The following DSCAM variants were observed in gnomAD, a reference collection of about 807,000 sequenced individuals.
DSCAM encodes the protein cell adhesion molecule DSCAM.
A neutral mutation model predicts 217.7 loss-of-function variants in DSCAM; 47 were observed. That is an observed-to-expected ratio of 0.22 (90% CI 0.17 to 0.28). DSCAM has a LOEUF of 0.28. Ranked by LOEUF, DSCAM falls within the 10% of genes least tolerant of loss-of-function variation. DSCAM has a pLI of 1.00. For synonymous variants in DSCAM, 1,056 were observed against 1,015.3 expected (o/e 1.04, Z -0.76); for missense variants, 2,080 against 2,618.3 (o/e 0.79, Z 4.49).
chr21:40,332,291 T>C (rs1308562284), intron 8 of DSCAM, among the ~76,000 whole-genome samples: 8 of 152,196 alleles, frequency 5.3e-5, no homozygotes, highest in Non-Finnish European at 1.0e-4. Context: ...CGAATTATTC[T>C]TCTGAGAGTC....
At chr21:40,276,981 A>AT (rs1318408689) in intron 10 of DSCAM, among the ~76,000 whole-genome samples, 1 of 152,152 alleles carries the variant, frequency 6.6e-6, no homozygotes, top group African/African-American at 2.4e-5. Flanking sequence ...GTAAAAAAAA[A>AT]AAGGATTTTA....
At chr21:40,775,730 G>A (rs145534300) in intron 1 of DSCAM, among the ~76,000 whole-genome samples, 24 of 152,200 alleles carry the variant, frequency 1.6e-4, no homozygotes, top group Admixed American at 1.4e-3. Context: ...ACACATCGTC[G>A]GCATCCCTGG....
Position 40,189,121 on chromosome 21 carries a change from T to C in DSCAM, c.2474A>G (p.Asp825Gly). ...KPIIVRWEKE[D>G]RIINPEMARY... is the part of the protein sequence containing the mutation. ...GGCCATCTCAGGGTTAATGATTCGGTCCTCCTTCTCCCAGCGGACTATAAT... is the reference window on the plus strand; with the variant it reads ...GGCCATCTCAGGGTTAATGATTCGGCCCTCCTTCTCCCAGCGGACTATAAT... Residue 825 changes from aspartate (D) to glycine (G), a missense_variant, in exon 12 of 33, where the codon GAC (aspartate) becomes GGC (glycine). By Grantham distance (94) the Asp-to-Gly change is moderately conservative. Around this residue, in one of 5 missense-constraint regions of DSCAM, gnomAD observed 1,144 missense variants for 1,421.1 expected, o/e 0.81. Coordinates refer to ENST00000400454, the MANE Select transcript of DSCAM (RefSeq NM_001389.5). The C allele has an allele frequency of 6.2e-7, 1 of 1,614,138 alleles. No homozygotes were observed. Among genetic ancestry groups the C allele is most frequent in the South Asian group, 1.1e-5 (1 of 91,082 alleles).
intron 11 of DSCAM, among the ~76,000 whole-genome samples, chr21:40,258,742 C>T (rs900260384): frequency 6.6e-6 from 1 of 152,226 alleles, no homozygotes; most frequent in Non-Finnish European, 1.5e-5. Context: ...GTGTTTCTAC[C>T]TTTCTCAGCA....
intron 1 of DSCAM, among the ~76,000 whole-genome samples, chr21:40,782,964 C>T (rs2091562148): frequency 6.6e-6 from 1 of 152,236 alleles, no homozygotes; most frequent in Non-Finnish European, 1.5e-5. Context: ...CATCTACCTT[C>T]ATGAAACATA....
chr21:40,175,172 C>T (rs1460603569), intron 15 of DSCAM, among the ~76,000 whole-genome samples: 9 of 152,290 alleles, frequency 5.9e-5, no homozygotes, highest in Middle Eastern at 3.4e-3. Context: ...TGCAGTGGCA[C>T]GACCTTGGCT....
At chr21:40,398,621 CCTTTCTTTTTT>C (rs1443860076) in intron 3 of DSCAM, among the ~76,000 whole-genome samples, 1 of 149,932 alleles carries the variant, frequency 6.7e-6, no homozygotes, top group Non-Finnish European at 1.5e-5. Context: ...AAGTTTCTTT[CCTTTCTTTTTT>C]CTTTCTTTTT....
intron 3 of DSCAM, among the ~76,000 whole-genome samples, chr21:40,566,637 T>G (rs555621783): frequency 2.0e-5 from 3 of 152,326 alleles, no homozygotes; most frequent in African/African-American, 7.2e-5. Context: ...ATATGGGCTT[T>G]GTGACACAGA....
intron 11 of DSCAM, among the ~76,000 whole-genome samples, chr21:40,229,341 CT>C (rs1208289706): frequency 6.6e-6 from 1 of 152,146 alleles, no homozygotes; most frequent in African/African-American, 2.4e-5. Context: ...CTCTTAAATG[CT>C]TTTTTTGAAA....
At chr21:40,170,283 G>A (rs1380015982) in intron 15 of DSCAM, among the ~76,000 whole-genome samples, 5 of 152,162 alleles carry the variant, frequency 3.3e-5, no homozygotes, top group African/African-American at 1.2e-4. Flanking sequence ...ATATATGTTT[G>A]CGTGTCTGTC....
Position 40,055,858 on chromosome 21 carries a change from T to C in DSCAM, c.4920-18A>G, listed in dbSNP as rs1432263439. 1 of 1,583,060 alleles carries C rather than the reference T, an allele frequency of 6.3e-7. No individual in the cohort carries two copies. The highest frequency in any genetic ancestry group is 8.7e-7 in the Non-Finnish European group (1 of 1,151,880). ...TATTCTTACTGGGAATAAAATGGGGTAATGCATTAACAAATCCAGTTCAGT... is the reference window on the plus strand; with the variant it reads ...TATTCTTACTGGGAATAAAATGGGGCAATGCATTAACAAATCCAGTTCAGT... On this transcript the variant is annotated intron_variant, in intron 28 of 32. Transcript: ENST00000400454.
intron 3 of DSCAM, among the ~76,000 whole-genome samples, chr21:40,682,967 T>C (rs1175682805): frequency 2.0e-5 from 3 of 151,924 alleles, no homozygotes; most frequent in African/African-American, 4.8e-5. Flanking sequence ...GGGTGGCCCC[T>C]AATCGGATAG....
At chr21:40,466,665 A>G (rs1320809791) in intron 3 of DSCAM, among the ~76,000 whole-genome samples, 2 of 152,168 alleles carry the variant, frequency 1.3e-5, no homozygotes, top group Non-Finnish European at 2.9e-5. Context: ...TATGACAAAG[A>G]ATCCCTTCTG....
intron 3 of DSCAM, among the ~76,000 whole-genome samples, chr21:40,476,917 C>T (rs550369792): frequency 4.6e-5 from 7 of 152,090 alleles, no homozygotes; most frequent in Non-Finnish European, 8.8e-5. Flanking sequence ...TCACCTTAGT[C>T]CTGTGACCAT....
At position 40,339,434 on chromosome 21, in the gene DSCAM, T is replaced by G; in HGVS notation, c.1211-19A>C. 1.3e-6 allele frequency: 2 copies of G among 1,573,144 alleles called. No individual in the cohort carries two copies. Among genetic ancestry groups the G allele is most frequent in the Non-Finnish European group, 1.7e-6 (2 of 1,160,266 alleles). ...GTTCCATCTGCAGGAAAACAAATTA[T>G]GGAAGAAAGTGGCACATACAAATAA... On this transcript the variant is annotated intron_variant, in intron 6 of 32. Coordinates refer to ENST00000400454, the MANE Select transcript of DSCAM (RefSeq NM_001389.5).
intron 3 of DSCAM, among the ~76,000 whole-genome samples, chr21:40,526,944 C>T (rs1204136802): frequency 6.6e-6 from 1 of 152,068 alleles, no homozygotes; most frequent in Non-Finnish European, 1.5e-5. Context: ...AAGGTGCTTC[C>T]CTGGCCTGTG....
At position 40,399,313 on chromosome 21, in the gene DSCAM, T is replaced by A. The variant is rs151304005; in HGVS notation, c.509-30068A>T. On this transcript the variant is annotated intron_variant, in intron 3 of 32. Coordinates refer to ENST00000400454, the MANE Select transcript of DSCAM (RefSeq NM_001389.5). ...AAACAAAACAAAACAAAACAAAACA[T>A]AGGAGTCCAAAGATTCCATCTACAA... Among the ~76,000 whole-genome samples the A allele has an allele frequency of 6.4e-3, 914 of 143,778 alleles. 9 individuals are homozygous for A. Among genetic ancestry groups the A allele is most frequent in the Non-Finnish European group, 8.9e-3 (582 of 65,126 alleles). 94.3% of individuals were successfully genotyped at this position (143,778 alleles called of 152,430 possible).
rs376002607 is a variant in DSCAM at position 40,052,142 on chromosome 21, G to A, written c.5036-35C>T. ...GGCAGGAACACAGAAAGCCAAACACGTTTATCTCCCTTCCAACCACTCCCT... is the reference window on the plus strand; with the variant it reads ...GGCAGGAACACAGAAAGCCAAACACATTTATCTCCCTTCCAACCACTCCCT... On this transcript the variant is annotated intron_variant, in intron 29 of 32. Transcript: ENST00000400454. 2.1e-5 allele frequency: 33 copies of A among 1,609,028 alleles called. No individual in the cohort carries two copies. In the African/African-American group the frequency reaches 2.1e-4, roughly 10 times the overall value.
chr21:40,787,884 T>C (rs1365991510), intron 1 of DSCAM, among the ~76,000 whole-genome samples: 1 of 152,114 alleles, frequency 6.6e-6, no homozygotes, highest in Non-Finnish European at 1.5e-5. Context: ...ACTGAGGAAA[T>C]GAGTTCAAAT....
Sources: gnomAD v4.1 joint callset for allele counts (sites outside exome capture counted in the v4.1 genomes callset) on GRCh38, gnomAD v4.1.1 for gene constraint, gnomAD v4.1.1 regional missense constraint, MANE v1.5 for transcripts, NCBI Gene and HGNC (gene_info 2026-07-23, HGNC 2026-07-21) for gene names.